The following PPP4R1 variants were observed in gnomAD, a reference collection of about 807,000 sequenced individuals.
PPP4R1 encodes serine/threonine-protein phosphatase 4 regulatory subunit 1.
Under a neutral mutation model 111.2 loss-of-function variants are expected in PPP4R1, and 42 were observed. The ratio of observed to expected loss-of-function variants is 0.38; its 90% CI spans 0.29 to 0.49. PPP4R1 has a LOEUF of 0.49. Among genes scored for constraint, PPP4R1 ranks in the 20% least tolerant of loss-of-function variants. The probability of loss-of-function intolerance (pLI) is 0.97; values close to 1 mark genes in which losing one functional copy is unlikely to be tolerated. For synonymous variants in PPP4R1, 409 were observed against 405.5 expected (o/e 1.01, Z -0.10); for missense variants, 1,012 against 1,161.6 (o/e 0.87, Z 1.87).
At chr18:9,597,353 T>A (rs1320745242) in intron 2 of PPP4R1, among the ~76,000 whole-genome samples, 1 of 152,024 alleles carries the variant, frequency 6.6e-6, no homozygotes, top group Non-Finnish European at 1.5e-5. Flanking sequence ...AGTTGAGAAT[T>A]CAGGGAGGCC....
chr18:9,590,562 T>C (rs955927266), intron 4 of PPP4R1, among the ~76,000 whole-genome samples: 13 of 151,964 alleles, frequency 8.6e-5, no homozygotes, highest in East Asian at 1.9e-4. Context: ...CTTAGGCAAA[T>C]AGACTAATGG....
chr18:9,552,764 C>T (rs1027381863), intron 16 of PPP4R1, among the ~76,000 whole-genome samples: 1 of 152,206 alleles, frequency 6.6e-6, no homozygotes, highest in Non-Finnish European at 1.5e-5. Flanking sequence ...TGTTCCTCAA[C>T]AGATGAATGC....
In PPP4R1 at chr18:9,577,663, T is replaced by C. The variant is rs1568106042; in HGVS notation, c.919-472A>G. On this transcript the variant is annotated intron_variant, in intron 9 of 19. Transcript: ENST00000400556. Reference sequence around the variant, plus strand: ...GCCTGGGTGACAGAGCAAGACTGTCTAAAAAAAAAACCCCAAACAAACCCC... The same window carrying C: ...GCCTGGGTGACAGAGCAAGACTGTCCAAAAAAAAAACCCCAAACAAACCCC... Among the ~76,000 whole-genome samples, 6 of 148,414 alleles carry C rather than the reference T, an allele frequency of 4.0e-5. 1 individual carries two copies.
At chr18:9,607,686 C>A (rs866467956) in intron 2 of PPP4R1, among the ~76,000 whole-genome samples, 5 of 151,062 alleles carry the variant, frequency 3.3e-5, no homozygotes, top group African/African-American at 1.2e-4. Flanking sequence ...TAAGTGTTGA[C>A]AATGATGATG....
chr18:9,584,233 A>G (rs1410776489), intron 8 of PPP4R1, among the ~76,000 whole-genome samples: 2 of 152,232 alleles, frequency 1.3e-5, no homozygotes, highest in Non-Finnish European at 2.9e-5. Flanking sequence ...CAATAAAATT[A>G]AAGGTTCAAT....
chr18:9,549,888 C>A, intron 18 of PPP4R1, 164 bp downstream of exon 18: 5 of 1,049,842 alleles, frequency 4.8e-6, no homozygotes, highest in East Asian at 2.6e-5. Flanking sequence ...AGAGGGGCCA[C>A]CAGATGCCCA....
At chr18:9,568,133 C>T (rs2066799874) in intron 11 of PPP4R1, among the ~76,000 whole-genome samples, 1 of 152,148 alleles carries the variant, frequency 6.6e-6, no homozygotes, top group Non-Finnish European at 1.5e-5. Context: ...GCTCAATTCT[C>T]CCACCTCAGC....
chr18:9,614,568 G>C (rs2067657447), upstream of PPP4R1: 5 of 911,268 alleles, frequency 5.5e-6, no homozygotes, highest in South Asian at 2.4e-4. The surrounding 1 kb of genome is among the most constrained non-coding windows in gnomAD (Gnocchi z 4.1). Flanking sequence ...GTGGACGCGC[G>C]CGGGAGGGGC....
chr18:9,599,856 G>GA (rs537924414), intron 2 of PPP4R1: 49 of 152,134 alleles, frequency 3.2e-4, no homozygotes, highest in Non-Finnish European at 4.4e-4. Context: ...AGGGCAGTGG[G>GA]AAAAAACTCC....
intron 13 of PPP4R1, among the ~76,000 whole-genome samples, chr18:9,560,050 T>C (rs2066647956): frequency 1.3e-5 from 2 of 152,088 alleles, no homozygotes; most frequent in Admixed American, 1.3e-4. Context: ...TCCCAGCACT[T>C]TGAGAAGCCA....
At chr18:9,578,640 A>G (rs1286875874) in intron 9 of PPP4R1, among the ~76,000 whole-genome samples, 2 of 152,274 alleles carry the variant, frequency 1.3e-5, no homozygotes, top group African/African-American at 2.4e-5. Flanking sequence ...AAAGCAAATA[A>G]ATGTAGAGAT....
At position 9,553,356 on chromosome 18, in the gene PPP4R1, T is replaced by G. The variant is rs1406286268; in HGVS notation, c.2257A>C (p.Ser753Arg). The G allele has an allele frequency of 1.2e-6, 2 of 1,602,114 alleles. No homozygotes were observed. The highest frequency in any genetic ancestry group is 3.3e-5 in the Admixed American group (2 of 60,004). Residue 753 changes from serine to arginine, a missense_variant, in exon 16 of 20, where the codon AGT (serine) becomes CGT (arginine). Ser to Arg is a moderately radical substitution (Grantham distance 110). Transcript: ENST00000400556. ...QLQEFLVTDN[S>R]RNWRFRAELA... Reference sequence around the variant, plus strand: ...TCAGCTCGAAACCGCCAATTTCTACTATTATCTGTCACCAAAAACTCCTGA... The same window carrying G: ...TCAGCTCGAAACCGCCAATTTCTACGATTATCTGTCACCAAAAACTCCTGA...
At chr18:9,593,353 T>A (rs971111559) in intron 4 of PPP4R1, among the ~76,000 whole-genome samples, 1 of 152,166 alleles carries the variant, frequency 6.6e-6, no homozygotes, top group Non-Finnish European at 1.5e-5. Flanking sequence ...TAAACCAGCT[T>A]TAGTTTTACA....
chr18:9,598,783 G>A (rs2067332099), intron 2 of PPP4R1, among the ~76,000 whole-genome samples: 1 of 152,184 alleles, frequency 6.6e-6, no homozygotes, highest in African/African-American at 2.4e-5. Context: ...TTATCACTTT[G>A]AGAGGCCGAG....
intron 2 of PPP4R1, among the ~76,000 whole-genome samples, chr18:9,596,777 C>G (rs2067296761): frequency 6.6e-6 from 1 of 152,140 alleles, no homozygotes; most frequent in African/African-American, 2.4e-5. Context: ...GCCCATCTTA[C>G]AGAACTGACT....
upstream of PPP4R1, chr18:9,614,670 C>G (rs1438982743): frequency 6.8e-6 from 1 of 146,660 alleles, no homozygotes; most frequent in Admixed American, 6.9e-5. The surrounding 1 kb of genome is among the most constrained non-coding windows in gnomAD (Gnocchi z 4.1). Context: ...CTCCCGGCCG[C>G]CCGGGCCCCC....
intron 11 of PPP4R1, 158 bp from the exon 12 acceptor site, chr18:9,563,708 T>C (rs2066716042): frequency 1.8e-6 from 1 of 568,114 alleles, no homozygotes; most frequent in Admixed American, 3.8e-5. Flanking sequence ...GGTAAATCAT[T>C]AGTCCTTCAA....
Position 9,614,324 on chromosome 18 carries a change from A to ACGCCCCCCCCCCGCC in PPP4R1, c.8-69_8-55dup. The ACGCCCCCCCCCCGCC allele has an allele frequency of 9.8e-7, 1 of 1,020,844 alleles. No individual in the cohort carries two copies. The highest frequency in any genetic ancestry group is 6.6e-5 in the East Asian group (1 of 15,120). 63.2% of individuals were successfully genotyped at this position (1,020,844 alleles called of 1,614,324 possible). On this transcript the variant is annotated intron_variant, in intron 1 of 19. Transcript: ENST00000400556. The surrounding 1 kb of genome is among the most constrained non-coding windows in gnomAD (Gnocchi z 4.1). ...GGTCAGCGCCCCGGGGCCCGGCGCG[A>ACGCCCCCCCCCCGCC]CGCCCCCCCCCCGCCCGCCTCCCCC...
intron 11 of PPP4R1, among the ~76,000 whole-genome samples, chr18:9,568,080 G>GT (rs2066798892): frequency 6.6e-6 from 1 of 152,164 alleles, no homozygotes. Flanking sequence ...CCAGGCTGGA[G>GT]TGTAGTAGTG....
Sources: allele counts gnomAD v4.1 joint callset (sites outside exome capture counted in the v4.1 genomes callset), GRCh38; gene constraint gnomAD v4.1.1; non-coding constraint Gnocchi (gnomAD v3.1); transcripts MANE v1.5; gene names NCBI Gene and HGNC (gene_info 2026-07-23, HGNC 2026-07-21).